The following SGCD variants were observed in gnomAD, a reference collection of about 807,000 sequenced individuals.
SGCD encodes the protein sarcoglycan delta.
Under a neutral mutation model 36.6 loss-of-function variants are expected in SGCD, and 18 were observed. The ratio of observed to expected loss-of-function variants is 0.49; its 90% CI spans 0.34 to 0.73. The LOEUF is 0.73. Ranked by LOEUF, SGCD falls within the 30% of genes least tolerant of loss-of-function variation. The pLI is 0.01. For synonymous variants in SGCD, 133 were observed against 130.6 expected (o/e 1.02, Z -0.12); for missense variants, 387 against 346.7 (o/e 1.12, Z -0.92).
intron 7 of SGCD, among the ~76,000 whole-genome samples, chr5:156,692,275 A>T (rs1238653037): frequency 6.6e-6 from 1 of 152,192 alleles, no homozygotes; most frequent in African/African-American, 2.4e-5. Context: ...CTATCAATTG[A>T]CAGTAGTTGC....
chr5:155,853,604 A>G, the SGCD span, among the ~76,000 whole-genome samples: 1 of 152,222 alleles, frequency 6.6e-6, no homozygotes, highest in African/African-American at 2.4e-5. Context: ...GTGAATAGAC[A>G]TTGTCATTAG....
At chr5:156,132,531 C>T (rs1018408900) in intron 3 of SGCD, among the ~76,000 whole-genome samples, 2 of 128,380 alleles carry the variant, frequency 1.6e-5, no homozygotes, top group East Asian at 2.3e-4. Flanking sequence ...TGCAGTGGCG[C>T]TATCCCGGCT....
At chr5:156,324,703 T>G (rs1767760136), upstream of SGCD, among the ~76,000 whole-genome samples, 2 of 152,124 alleles carry the variant, frequency 1.3e-5, no homozygotes, top group South Asian at 4.1e-4. Flanking sequence ...TTAAATTGAT[T>G]ACCAGAACAT....
At chr5:155,925,293 A>G (rs1439914230) in intron 1 of SGCD, among the ~76,000 whole-genome samples, 1 of 152,122 alleles carries the variant, frequency 6.6e-6, no homozygotes, top group Non-Finnish European at 1.5e-5. Flanking sequence ...TTTCTAGTAT[A>G]TTAGTTTCCT....
chr5:155,773,551 A>T, the SGCD span, among the ~76,000 whole-genome samples: 1 of 152,124 alleles, frequency 6.6e-6, no homozygotes. Context: ...AGTATGTAGG[A>T]TTAAAAGTTG....
rs890470738 is a variant in SGCD at position 156,652,076 on chromosome 5, C to T, written c.575+4540C>T. 7.2e-5 allele frequency among the ~76,000 whole-genome samples: 11 copies of T among 151,970 alleles called. No individual in the cohort carries two copies. In the East Asian group the frequency reaches 7.7e-4, roughly 11 times the overall value. Reference sequence around the variant, plus strand: ...TTTGGCTCTCAGCATGAATATTACTCGTGTATAGAAATGCTATTGATTTTT... The same window carrying T: ...TTTGGCTCTCAGCATGAATATTACTTGTGTATAGAAATGCTATTGATTTTT... On this transcript the variant is annotated intron_variant, in intron 7 of 8. Transcript: ENST00000337851.
At chr5:156,221,437 T>G (rs1433716919) in intron 3 of SGCD, among the ~76,000 whole-genome samples, 1 of 152,112 alleles carries the variant, frequency 6.6e-6, no homozygotes, top group Non-Finnish European at 1.5e-5. Flanking sequence ...AATTACAACT[T>G]AGCTTCGCTA....
At chr5:155,972,286 ATTAAT>A (rs1365310546) in intron 1 of SGCD, among the ~76,000 whole-genome samples, 4 of 152,156 alleles carry the variant, frequency 2.6e-5, no homozygotes, top group Non-Finnish European at 5.9e-5. Flanking sequence ...GCATTAACAG[ATTAAT>A]TTATATTCTT....
At chr5:156,733,385 CTGT>C (rs993699557) in intron 7 of SGCD, among the ~76,000 whole-genome samples, 20 of 151,886 alleles carry the variant, frequency 1.3e-4, no homozygotes, top group African/African-American at 4.6e-4. Context: ...GTTTGAGAGA[CTGT>C]TATTATTTCA....
chr5:156,379,591 C>CTGCTAATA (rs1434997903), intron 3 of SGCD, among the ~76,000 whole-genome samples: 1 of 152,114 alleles, frequency 6.6e-6, no homozygotes, highest in Non-Finnish European at 1.5e-5. Context: ...ACTTCCTAAT[C>CTGCTAATA]AGAAAAGCAG....
At chr5:155,827,531 T>A in the SGCD span, among the ~76,000 whole-genome samples, 1 of 152,080 alleles carries the variant, frequency 6.6e-6, no homozygotes, top group Non-Finnish European at 1.5e-5. Flanking sequence ...TTTCTGTTTG[T>A]TTTCTGTTTG....
At chr5:156,435,749 A>G (rs986029813) in intron 3 of SGCD, among the ~76,000 whole-genome samples, 1 of 152,106 alleles carries the variant, frequency 6.6e-6, no homozygotes, top group African/African-American at 2.4e-5. Context: ...AAATTAATGT[A>G]TTGATTTGTC....
rs115609801 is a variant in SGCD at position 156,277,941 on chromosome 5, C to T, written c.-43-51593C>T. Among the ~76,000 whole-genome samples the T allele has an allele frequency of 2.8e-3, 432 of 152,024 alleles. 3 individuals are homozygous for T. The highest frequency in any genetic ancestry group is 9.9e-3 in the African/African-American group (411 of 41,448). ...GGTCTGATCTGAGAAATGGACATTA[C>T]GCACACAATTGTATAAGCAGTAAAG... On this transcript the variant is annotated intron_variant, in intron 3 of 9. Coordinates refer to the SGCD transcript ENST00000517913.
At chr5:156,320,068 T>C (rs1767616565) in intron 3 of SGCD, among the ~76,000 whole-genome samples, 1 of 151,512 alleles carries the variant, frequency 6.6e-6, no homozygotes, top group African/African-American at 2.4e-5. Context: ...TGTATAATGA[T>C]GAATTATTTG....
chr5:156,537,878 C>G (rs1270263270), intron 4 of SGCD, among the ~76,000 whole-genome samples: 1 of 151,976 alleles, frequency 6.6e-6, no homozygotes, highest in Non-Finnish European at 1.5e-5. Context: ...CTAGATACTT[C>G]TGCTTTCCCT....
At chr5:156,196,991 A>C (rs577559980) in intron 3 of SGCD, among the ~76,000 whole-genome samples, 9 of 152,322 alleles carry the variant, frequency 5.9e-5, no homozygotes, top group African/African-American at 2.2e-4. Flanking sequence ...TAATATTATG[A>C]ACATCTTTAT....
intron 3 of SGCD, among the ~76,000 whole-genome samples, chr5:156,365,568 T>C (rs1345453127): frequency 6.6e-6 from 1 of 152,180 alleles, no homozygotes; most frequent in Non-Finnish European, 1.5e-5. Context: ...TTTGAGTTCA[T>C]CTGCACTACA....
chr5:155,909,730 T>TC (rs1375595897), intron 1 of SGCD, among the ~76,000 whole-genome samples: 3 of 152,288 alleles, frequency 2.0e-5, no homozygotes, highest in Admixed American at 1.3e-4. Context: ...TTTGAGTGCA[T>TC]CTTTTGTAGT....
At chr5:155,912,311 GTTTGTTATAGTGCTTCA>G (rs1256979519) in intron 1 of SGCD, among the ~76,000 whole-genome samples, 1 of 152,106 alleles carries the variant, frequency 6.6e-6, no homozygotes, top group Non-Finnish European at 1.5e-5. Flanking sequence ...CACTACTAGT[GTTTGTTATAGTGCTTCA>G]TTAGCTTTTG....
Sources: allele counts gnomAD v4.1 joint callset (sites outside exome capture counted in the v4.1 genomes callset), GRCh38; gene constraint gnomAD v4.1.1; transcripts MANE v1.5; gene names NCBI Gene and HGNC (gene_info 2026-07-23, HGNC 2026-07-21).